ABCB11: variants seen among roughly 807,000 people sequenced by gnomAD.
ABCB11 encodes ATP binding cassette subfamily B member 11.
Under a neutral mutation model 148.0 loss-of-function variants are expected in ABCB11, and 95 were observed. The ratio of observed to expected loss-of-function variants is 0.64; its 90% confidence interval spans 0.54 to 0.76. The LOEUF (loss-of-function observed/expected upper bound fraction) is 0.76. ABCB11 is among the 30% of genes least tolerant of loss of function. ABCB11 has a pLI of 0.00. For missense variants in ABCB11, 1,523 were observed against 1,617.8 expected (o/e 0.94, Z 1.01); for synonymous variants, 591 against 555.4 (o/e 1.06, Z -0.90).
chr2:168,938,084 C>A (rs533850746), intron 21 of ABCB11, among the ~76,000 whole-genome samples: 1 of 152,096 alleles, frequency 6.6e-6, no homozygotes, highest in African/African-American at 2.4e-5. Flanking sequence ...AGTAACCATT[C>A]GATGCTAAGG....
rs576374990 is a variant in ABCB11 at position 168,986,431 on chromosome 2, C to A, written c.909-147G>T. ...CTTCAGGGAGAAAAATCTCCAATAA[C>A]CTTTATGTAGTTTTTTAAAGTTTGT... On this transcript the variant is annotated intron_variant, in intron 9 of 27. Coordinates refer to ENST00000650372, the MANE Select transcript of ABCB11 (RefSeq NM_003742.4). 37 of 694,990 alleles carry A rather than the reference C, an allele frequency of 5.3e-5. No homozygotes were observed. The African/African-American group carries it at 6.0e-4, about 11-fold the overall frequency. 43.1% of individuals were successfully genotyped at this position (694,990 alleles called of 1,614,324 possible).
chr2:168,972,963 A>G (rs1227298028), intron 13 of ABCB11, among the ~76,000 whole-genome samples: 3 of 152,044 alleles, frequency 2.0e-5, no homozygotes, highest in Non-Finnish European at 2.9e-5. Flanking sequence ...TTGTGACAAT[A>G]AGTAATCATT....
chr2:168,968,550 TAG>T, intron 16 of ABCB11, 60 bp from the exon 17 acceptor site: 1 of 1,338,832 alleles, frequency 7.5e-7, no homozygotes, highest in East Asian at 2.4e-5. Flanking sequence ...CATATCCAAG[TAG>T]AATTCTTTAC....
chr2:168,983,186 A>G (rs1433739836), intron 10 of ABCB11, among the ~76,000 whole-genome samples: 1 of 152,154 alleles, frequency 6.6e-6, no homozygotes, highest in Non-Finnish European at 1.5e-5. Flanking sequence ...AACCATTATT[A>G]TTGTATACCT....
In ABCB11 at chr2:168,995,477, G is replaced by T. The variant is rs777119489; in HGVS notation, c.483C>A (p.Cys161Ter). The change falls in exon 7 of 28, where the codon TGC (cysteine) becomes TGA (stop). Residue 161 changes from cysteine to a stop codon, truncating the protein, a stop_gained. Transcript: ENST00000650372. LOFTEE classifies it high-confidence loss of function. ...GACGAGCTGCGGCAATGACCCAAAA[G>T]CATATCTGGAAATGGACAAAGGAAT... ...AVLITGYIQI[C>*]FWVIAAARQI... 6.2e-7 allele frequency: 1 copy of T among 1,609,740 alleles called. No homozygotes were observed. Among genetic ancestry groups the T allele is most frequent in the South Asian group, 1.1e-5 (1 of 90,198 alleles).
intron 5 of ABCB11, among the ~76,000 whole-genome samples, chr2:169,011,688 G>A (rs1167114221): frequency 6.6e-6 from 1 of 152,060 alleles, no homozygotes; most frequent in Non-Finnish European, 1.5e-5. Flanking sequence ...GACTCTTTTG[G>A]TTTTTCTGAG....
intron 10 of ABCB11, among the ~76,000 whole-genome samples, chr2:168,982,139 G>C (rs1054695930): frequency 6.6e-6 from 1 of 152,138 alleles, no homozygotes; most frequent in African/African-American, 2.4e-5. Context: ...GATGGGAAGG[G>C]AGACTGCTGT....
intron 9 of ABCB11, 36 bp downstream of exon 9, chr2:168,990,765 G>A (rs1694487819): frequency 6.2e-7 from 1 of 1,610,366 alleles, no homozygotes; most frequent in Non-Finnish European, 8.5e-7. Context: ...GCTGATTGAT[G>A]AAATTAAGGA....
intron 27 of ABCB11, among the ~76,000 whole-genome samples, chr2:168,924,127 A>G (rs1335225312): frequency 6.6e-6 from 1 of 152,244 alleles, no homozygotes; most frequent in Non-Finnish European, 1.5e-5. Flanking sequence ...AACGGAGGGT[A>G]GCAGTTAAGT....
intron 9 of ABCB11, among the ~76,000 whole-genome samples, chr2:168,987,317 G>A (rs1694360847): frequency 1.3e-5 from 2 of 150,584 alleles, no homozygotes; most frequent in South Asian, 4.2e-4. Context: ...ATAAATACCA[G>A]ATAAATTAAA....
At chr2:168,970,990 C>T (rs1048198257) in intron 14 of ABCB11, among the ~76,000 whole-genome samples, 1 of 151,970 alleles carries the variant, frequency 6.6e-6, no homozygotes, top group African/African-American at 2.4e-5. Flanking sequence ...AACTACTAGG[C>T]TATATCATAG....
intron 22 of ABCB11, among the ~76,000 whole-genome samples, chr2:168,935,851 C>T (rs1173507030): frequency 6.6e-6 from 1 of 152,156 alleles, no homozygotes; most frequent in Non-Finnish European, 1.5e-5. Flanking sequence ...ATCATAGCTC[C>T]TGTGTGTGTG....
chr2:169,003,929 C>CA (rs1247073529), intron 5 of ABCB11, among the ~76,000 whole-genome samples: 3 of 152,160 alleles, frequency 2.0e-5, no homozygotes, highest in African/African-American at 7.2e-5. Flanking sequence ...CCATTGGATA[C>CA]AAAATTCTTG....
chr2:169,003,373 CAA>C (rs201106207), intron 5 of ABCB11, among the ~76,000 whole-genome samples: 5,019 of 145,676 alleles, frequency 0.034, 113 homozygotes, highest in East Asian at 0.059. Context: ...TGCACACACA[CAA>C]AAACATATTA....
At chr2:168,918,826 CT>C (rs1226376026), downstream of ABCB11, among the ~76,000 whole-genome samples, 1 of 152,064 alleles carries the variant, frequency 6.6e-6, no homozygotes, top group East Asian at 1.9e-4. Context: ...TCTGGACTCC[CT>C]TCTGTTCTGG....
chr2:168,986,266 C>T lies in ABCB11; in HGVS notation c.927G>A (p.Val309=). The T allele has an allele frequency of 6.2e-7, 1 of 1,612,684 alleles. No homozygotes were observed. The highest frequency in any genetic ancestry group is 8.5e-7 in the Non-Finnish European group (1 of 1,179,486). The change falls in exon 10 of 28, where the codon GTG becomes GTA. Residue 309 remains valine (V), a synonymous_variant. Transcript: ENST00000650372. ...REVERYEKNL[V]FAQRWGIRKG... is the part of the protein sequence containing the mutation. ...TTCTAATTCCCCAACGCTGGGCGAA[C>T]ACAAGATTTTTCTCATACCTGTGAA... is the stretch of plus-strand genomic sequence containing the variant.
At chr2:168,977,042 ATTG>A (rs1289850123) in intron 11 of ABCB11, among the ~76,000 whole-genome samples, 2 of 148,326 alleles carry the variant, frequency 1.3e-5, no homozygotes, top group African/African-American at 4.9e-5. Context: ...AATTTATTTA[ATTG>A]TTATTATTTA....
intron 11 of ABCB11, among the ~76,000 whole-genome samples, chr2:168,979,169 C>G (rs1694041477): frequency 6.6e-6 from 1 of 152,124 alleles, no homozygotes; most frequent in African/African-American, 2.4e-5. Flanking sequence ...ATGCCTCCAG[C>G]CTCTGCCCCT....
At chr2:168,980,934 C>T (rs1346830873) in intron 10 of ABCB11, among the ~76,000 whole-genome samples, 1 of 152,180 alleles carries the variant, frequency 6.6e-6, no homozygotes, top group Non-Finnish European at 1.5e-5. Flanking sequence ...CAGTCTCCTC[C>T]TCTCTACCCT....
Sources: gnomAD v4.1 joint callset for allele counts (sites outside exome capture counted in the v4.1 genomes callset) on GRCh38, gnomAD v4.1.1 for gene constraint, MANE v1.5 for transcripts, NCBI Gene and HGNC (gene_info 2026-07-23, HGNC 2026-07-21) for gene names.